The following CYFIP1 variants were observed in gnomAD, a reference collection of about 807,000 sequenced individuals.
CYFIP1 encodes cytoplasmic FMR1-interacting protein 1.
Under a neutral mutation model 163.5 loss-of-function variants are expected in CYFIP1, and 58 were observed. The observed-to-expected ratio is 0.35, with a 90% CI of 0.29 to 0.44. The LOEUF is 0.44. Among genes scored for constraint, CYFIP1 ranks in the 20% least tolerant of loss-of-function variants. CYFIP1 has a pLI of 1.00. For synonymous variants in CYFIP1, 663 were observed against 660.7 expected (o/e 1.00, Z -0.05); for missense variants, 1,338 against 1,653.8 (o/e 0.81, Z 3.31).
At chr15:22,959,718 C>A (rs540777000) in intron 1 of CYFIP1, among the ~76,000 whole-genome samples, 1 of 152,306 alleles carries the variant, frequency 6.6e-6, no homozygotes, top group African/African-American at 2.4e-5. Context: ...CCCAACAGAC[C>A]GTGTATCTGC....
At chr15:22,911,727 G>A (rs142288654) in intron 18 of CYFIP1, among the ~76,000 whole-genome samples, 110 of 152,270 alleles carry the variant, frequency 7.2e-4, no homozygotes, top group Middle Eastern at 6.8e-3. Flanking sequence ...TTGTGAGAAG[G>A]CAGAGGAGAT....
At chr15:22,873,803 T>C in intron 28 of CYFIP1, 74 bp from the exon 29 acceptor site, 2 of 1,286,382 alleles carry the variant, frequency 1.6e-6, no homozygotes, top group Non-Finnish European at 2.2e-6. Flanking sequence ...TATGTCTCTT[T>C]TCTCTTGAGA....
chr15:22,960,575 C>A (rs938641404), intron 1 of CYFIP1, among the ~76,000 whole-genome samples: 4 of 152,242 alleles, frequency 2.6e-5, no homozygotes, highest in African/African-American at 9.6e-5. Flanking sequence ...TTTAGCTGTC[C>A]ATCAAAGGAA....
At chr15:22,932,151 A>G in intron 11 of CYFIP1, 72 bp downstream of exon 11, 1 of 1,060,100 alleles carries the variant, frequency 9.4e-7, no homozygotes, top group Non-Finnish European at 1.4e-6. Context: ...AAGCAATTAA[A>G]CCTAAGATTT....
chr15:22,898,132 C>T (rs576674888), intron 22 of CYFIP1, among the ~76,000 whole-genome samples: 4 of 152,266 alleles, frequency 2.6e-5, no homozygotes, highest in Admixed American at 6.5e-5. Context: ...CACTTGCTTC[C>T]GTCCCCTCAG....
chr15:22,909,107 C>T lies in CYFIP1; in HGVS notation c.2388+87G>A, dbSNP rs776304166. The T allele has an allele frequency of 2.3e-5, 35 of 1,552,316 alleles. 1 individual carries two copies. The highest frequency in any genetic ancestry group is 1.4e-4 in the South Asian group (12 of 87,446). On this transcript the variant is annotated intron_variant, in intron 21 of 30. Transcript: ENST00000617928. ...CAAGAGGCTTGGTATAGGCCACGCC[C>T]GATGAGTGCATCTCTTTTATCATCT...
At position 22,899,406 on chromosome 15, in the gene CYFIP1, A is replaced by G. The variant is rs1169777928; in HGVS notation, c.2588+4300T>C. ...CCCCACCCAAATCTCATCTTGAATT[A>G]TAACTCCCATAATTCCCACGTCTCA... On this transcript the variant is annotated intron_variant, in intron 22 of 30. Transcript: ENST00000617928. Among the ~76,000 whole-genome samples, 4 of 152,194 alleles carry G rather than the reference A, an allele frequency of 2.6e-5. No homozygotes were observed. In the East Asian group the frequency reaches 7.7e-4, roughly 29 times the overall value.
chr15:22,924,127 A>AT (rs2061283823), intron 13 of CYFIP1, among the ~76,000 whole-genome samples: 2 of 152,146 alleles, frequency 1.3e-5, no homozygotes, highest in Non-Finnish European at 2.9e-5. Flanking sequence ...GTGAATCTTG[A>AT]AAATTATGCT....
Position 22,939,645 on chromosome 15 carries a change from A to G in CYFIP1, c.570-138T>C, listed in dbSNP as rs1229491817. ...TGCAGAAATGTGGGTCAATCTCAGA[A>G]GCCACCTATGATTTCAGCCTTTTCA... On this transcript the variant is annotated intron_variant, in intron 6 of 30. Coordinates refer to ENST00000617928, the MANE Select transcript of CYFIP1 (RefSeq NM_014608.6). The G allele has an allele frequency of 6.7e-6, 5 of 750,788 alleles. No homozygotes were observed. In the African/African-American group the frequency reaches 9.0e-5, roughly 13 times the overall value. 46.5% of individuals were successfully genotyped at this position (750,788 alleles called of 1,614,324 possible).
chr15:22,872,666 A>G lies in CYFIP1; in HGVS notation c.3597+159T>C, dbSNP rs1331102102. Reference sequence around the variant, plus strand: ...CTCTGCCAGACTGCTTTACTGGCCAATTATATTTAGATTCATTTTGGGAAC... The same window carrying G: ...CTCTGCCAGACTGCTTTACTGGCCAGTTATATTTAGATTCATTTTGGGAAC... On this transcript the variant is annotated intron_variant, in intron 30 of 30. Transcript: ENST00000617928. 1.2e-5 allele frequency: 8 copies of G among 689,152 alleles called. No homozygotes were observed. The East Asian group carries it at 1.4e-4, about 12-fold the overall frequency. 42.7% of individuals were successfully genotyped at this position (689,152 alleles called of 1,614,324 possible).
rs758793431 is a variant in CYFIP1 at position 22,903,824 on chromosome 15, T to C, written c.2470A>G (p.Met824Val). Residue 824 changes from methionine (M) to valine (V), a missense_variant, in exon 22 of 31, where the codon ATG becomes GTG. By Grantham distance (21) the Met-to-Val change is conservative. Around this residue, in one of 4 missense-constraint regions of CYFIP1, gnomAD observed 824 missense variants for 995.7 expected, o/e 0.83. Coordinates refer to ENST00000617928, the MANE Select transcript of CYFIP1 (RefSeq NM_014608.6). Reference sequence around the variant, plus strand: ...ACGTTGTGGTTGGCCTCCCGGAACATGGCGTCGAAGCCGTCCAGCGTCAGG... The same window carrying C: ...ACGTTGTGGTTGGCCTCCCGGAACACGGCGTCGAAGCCGTCCAGCGTCAGG... Reference protein sequence around the residue: ...RYLTLDGFDAMFREANHNVSA... With the variant: ...RYLTLDGFDAVFREANHNVSA... The C allele has an allele frequency of 1.7e-5, 28 of 1,614,062 alleles. 1 individual carries two copies. Among genetic ancestry groups the C allele is most frequent in the South Asian group, 1.1e-4 (10 of 91,090 alleles).
intron 17 of CYFIP1, among the ~76,000 whole-genome samples, chr15:22,914,197 T>C (rs549194818): frequency 2.0e-5 from 3 of 152,190 alleles, no homozygotes; most frequent in Non-Finnish European, 4.4e-5. Context: ...GCAAGGCAGC[T>C]CACGGGCATG....
intron 9 of CYFIP1, among the ~76,000 whole-genome samples, chr15:22,934,146 CAT>C (rs1210162668): frequency 1.1e-5 from 1 of 89,852 alleles, no homozygotes; most frequent in Non-Finnish European, 2.3e-5. Context: ...GATCCACAGT[CAT>C]AAAAAAAAAA....
intron 22 of CYFIP1, among the ~76,000 whole-genome samples, chr15:22,897,571 C>T (rs1041652038): frequency 2.6e-5 from 4 of 151,748 alleles, no homozygotes; most frequent in Admixed American, 2.6e-4. Flanking sequence ...GCAGCCTTGA[C>T]GTCCCGGGTT....
intron 13 of CYFIP1, among the ~76,000 whole-genome samples, chr15:22,923,703 GA>G (rs1299168084): frequency 6.6e-6 from 1 of 152,094 alleles, no homozygotes; most frequent in Non-Finnish European, 1.5e-5. Context: ...AGTGCTTTGG[GA>G]AGTCAAAGCA....
intron 26 of CYFIP1, among the ~76,000 whole-genome samples, chr15:22,879,583 A>G (rs1978751): frequency 0.97 from 148,123 of 152,238 alleles, 72,089 homozygotes; most frequent in East Asian, 1. Flanking sequence ...CCTCAGGCAT[A>G]CAGAGGGCCC....
Position 22,912,223 on chromosome 15 carries a change from T to C in CYFIP1, c.2038A>G (p.Thr680Ala). 6.2e-7 allele frequency: 1 copy of C among 1,614,126 alleles called. No individual in the cohort carries two copies. Among genetic ancestry groups the C allele is most frequent in the Non-Finnish European group, 8.5e-7 (1 of 1,179,986 alleles). ...LYNDSAHYAL[T>A]RFNKQFLYDE... Reference sequence around the variant, plus strand: ...TACAGGAACTGCTTGTTGAACCTGGTGAGCGCGTAGTGGGCGCTGTCATTG... The same window carrying C: ...TACAGGAACTGCTTGTTGAACCTGGCGAGCGCGTAGTGGGCGCTGTCATTG... The change falls in exon 18 of 31, where the codon ACC becomes GCC. Residue 680 changes from threonine to alanine, a missense_variant. By Grantham distance (58) the Thr-to-Ala change is moderately conservative (BLOSUM62 0). Coordinates refer to ENST00000617928, the MANE Select transcript of CYFIP1 (RefSeq NM_014608.6).
At chr15:22,894,179 G>C (rs902220161) in intron 22 of CYFIP1, among the ~76,000 whole-genome samples, 2 of 152,080 alleles carry the variant, frequency 1.3e-5, no homozygotes, top group African/African-American at 4.8e-5. Context: ...TGGTGACGGC[G>C]GGGTGCGGGA....
chr15:22,971,914 A>ATTCAATGCAATCTACAGG (rs376775982), intron 1 of CYFIP1, among the ~76,000 whole-genome samples: 22,587 of 128,882 alleles, frequency 0.18, 1,837 homozygotes, highest in Non-Finnish European at 0.19. Flanking sequence ...CAATCTACAA[A>ATTCAATGCAATCTACAGG]TTCAATGCAA....
Sources: allele counts gnomAD v4.1 joint callset (sites outside exome capture counted in the v4.1 genomes callset), GRCh38; gene constraint gnomAD v4.1.1; regional missense constraint gnomAD v4.1.1; transcripts MANE v1.5; gene names NCBI Gene and HGNC (gene_info 2026-07-23, HGNC 2026-07-21).